The following SEMA3D variants were observed in gnomAD, a reference collection of about 807,000 sequenced individuals.
SEMA3D encodes semaphorin-3D.
Under a neutral mutation model 100.1 loss-of-function variants are expected in SEMA3D, and 84 were observed. The observed-to-expected ratio is 0.84, with a 90% confidence interval of 0.70 to 1.01. The LOEUF (loss-of-function observed/expected upper bound fraction) is 1.01. Among genes scored for constraint, SEMA3D ranks in the 50% least tolerant of loss-of-function variants. The probability of loss-of-function intolerance (pLI) is 0.00; values close to 1 mark genes in which losing one functional copy is unlikely to be tolerated. For synonymous variants in SEMA3D, 312 were observed against 320.7 expected (o/e 0.97, Z 0.29); for missense variants, 875 against 934.1 (o/e 0.94, Z 0.82).
chr7:85,188,473 T>G (rs2116598986), upstream of SEMA3D, among the ~76,000 whole-genome samples: 1 of 152,210 alleles, frequency 6.6e-6, no homozygotes, highest in South Asian at 2.1e-4. Context: ...CTGTACATAG[T>G]CATGCAATTG....
the SEMA3D span, among the ~76,000 whole-genome samples, chr7:85,210,262 T>C: frequency 1.3e-5 from 2 of 152,110 alleles, no homozygotes; most frequent in East Asian, 3.8e-4. Flanking sequence ...CCTTTGTTTT[T>C]CCTATTAAAA....
At chr7:85,141,686 C>G (rs1790055745) in intron 2 of SEMA3D, 1 of 971,032 alleles carries the variant, frequency 1.0e-6, no homozygotes, top group Admixed American at 6.2e-5. Flanking sequence ...TGAATAGTAC[C>G]AGTTTACCTA....
chr7:85,225,747 C>A, the SEMA3D span, among the ~76,000 whole-genome samples: 1 of 152,058 alleles, frequency 6.6e-6, no homozygotes, highest in Non-Finnish European at 1.5e-5. Context: ...CAGAGCCCCA[C>A]AGGTCCCTGC....
At chr7:85,030,850 C>T (rs1036357223) in intron 12 of SEMA3D, among the ~76,000 whole-genome samples, 1 of 151,994 alleles carries the variant, frequency 6.6e-6, no homozygotes, top group African/African-American at 2.4e-5. Flanking sequence ...GTTTCTATAT[C>T]TGACCTGTAT....
At chr7:85,133,170 T>C (rs1451171908) in intron 2 of SEMA3D, among the ~76,000 whole-genome samples, 1 of 152,002 alleles carries the variant, frequency 6.6e-6, no homozygotes, top group Non-Finnish European at 1.5e-5. Context: ...AGTCATGTGT[T>C]GAATATTTGT....
At chr7:85,156,569 C>T (rs544977427) in intron 1 of SEMA3D, among the ~76,000 whole-genome samples, 2 of 152,258 alleles carry the variant, frequency 1.3e-5, no homozygotes, top group African/African-American at 4.8e-5. Flanking sequence ...GTCTTAACTA[C>T]ATTTTAATTT....
chr7:85,036,489 G>A (rs1475955496), intron 12 of SEMA3D, among the ~76,000 whole-genome samples: 1 of 152,094 alleles, frequency 6.6e-6, no homozygotes, highest in Non-Finnish European at 1.5e-5. Context: ...ATTATGATGT[G>A]TTCTTTTCAA....
chr7:85,200,931 A>T, the SEMA3D span, among the ~76,000 whole-genome samples: 4 of 152,146 alleles, frequency 2.6e-5, no homozygotes, highest in Admixed American at 6.5e-5. Flanking sequence ...ACTAATACAC[A>T]GTTGTATATG....
At chr7:85,071,716 C>T (rs1376636343) in intron 6 of SEMA3D, among the ~76,000 whole-genome samples, 1 of 152,112 alleles carries the variant, frequency 6.6e-6, no homozygotes, top group African/African-American at 2.4e-5. Context: ...ATACTACAGG[C>T]AACTATAAGA....
At chr7:85,010,724 C>T (rs1789927854) in intron 17 of SEMA3D, among the ~76,000 whole-genome samples, 1 of 151,776 alleles carries the variant, frequency 6.6e-6, no homozygotes, top group African/African-American at 2.4e-5. Flanking sequence ...CTTTCTCAGA[C>T]ATAAGTTTGA....
chr7:85,223,939 C>A, the SEMA3D span, among the ~76,000 whole-genome samples: 5 of 151,510 alleles, frequency 3.3e-5, no homozygotes, highest in South Asian at 8.3e-4. Flanking sequence ...AAGAAAAGAA[C>A]CACACACTAC....
intron 1 of SEMA3D, among the ~76,000 whole-genome samples, chr7:85,165,757 A>T (rs1282593111): frequency 6.6e-6 from 1 of 152,108 alleles, no homozygotes. Flanking sequence ...TATTCCTGAC[A>T]ATTATTCTCA....
In SEMA3D at chr7:85,146,039, G is replaced by T. The variant is rs186527408; in HGVS notation, c.-41+7569C>A. ...GATATTTTTTTTCCCAGATATTTTTGATCTATAGTTGGTTGAGTCCACAGG... is the reference window on the plus strand; with the variant it reads ...GATATTTTTTTTCCCAGATATTTTTTATCTATAGTTGGTTGAGTCCACAGG... On this transcript the variant is annotated intron_variant, in intron 2 of 18. Transcript: ENST00000284136. Among the ~76,000 whole-genome samples the T allele has an allele frequency of 8.6e-5, 13 of 152,006 alleles. 1 individual carries two copies. In the East Asian group the frequency reaches 2.1e-3, roughly 25 times the overall value.
At chr7:85,072,248 C>T (rs1264590131) in intron 6 of SEMA3D, among the ~76,000 whole-genome samples, 2 of 152,142 alleles carry the variant, frequency 1.3e-5, no homozygotes, top group East Asian at 1.9e-4. Context: ...GAATACATGA[C>T]TCCTAATTAA....
At chr7:85,146,323 G>A (rs1459554274) in intron 2 of SEMA3D, among the ~76,000 whole-genome samples, 1 of 152,056 alleles carries the variant, frequency 6.6e-6, no homozygotes, top group Non-Finnish European at 1.5e-5. Context: ...GGGAGGCTGA[G>A]GCGGGTAGAT....
intron 8 of SEMA3D, among the ~76,000 whole-genome samples, chr7:85,063,832 C>T (rs1791540929): frequency 6.6e-6 from 1 of 152,140 alleles, no homozygotes; most frequent in Non-Finnish European, 1.5e-5. Context: ...GTAGCCTTGT[C>T]TCCTACTCCC....
intron 17 of SEMA3D, among the ~76,000 whole-genome samples, chr7:85,010,401 G>A (rs1371785087): frequency 6.6e-6 from 1 of 150,682 alleles, no homozygotes; most frequent in Non-Finnish European, 1.5e-5. Flanking sequence ...CTAGTAAGTG[G>A]GGTATACAAC....
chr7:85,127,663 T>A (rs1187155374), intron 2 of SEMA3D, among the ~76,000 whole-genome samples: 1 of 152,170 alleles, frequency 6.6e-6, no homozygotes, highest in Non-Finnish European at 1.5e-5. Flanking sequence ...TTACTGTGAA[T>A]GACTTTATTG....
At chr7:85,108,053 A>G (rs1383910719) in intron 3 of SEMA3D, among the ~76,000 whole-genome samples, 1 of 152,070 alleles carries the variant, frequency 6.6e-6, no homozygotes, top group East Asian at 1.9e-4. Flanking sequence ...AACTTCCTCC[A>G]GTGCTCAAAG....
Sources: allele counts gnomAD v4.1 joint callset (sites outside exome capture counted in the v4.1 genomes callset), GRCh38; gene constraint gnomAD v4.1.1; transcripts MANE v1.5; gene names NCBI Gene and HGNC (gene_info 2026-07-23, HGNC 2026-07-21).